Variants in HECW1 observed in about 807,000 individuals in gnomAD.
HECW1 encodes the protein HECT, C2 and WW domain containing E3 ubiquitin protein ligase 1.
Under a neutral mutation model 182.3 loss-of-function variants are expected in HECW1, and 61 were observed. That is an observed-to-expected ratio of 0.33 (90% CI 0.27 to 0.41). The LOEUF (loss-of-function observed/expected upper bound fraction) is 0.41, where lower values mean the gene tolerates loss of function less well. Among genes scored for constraint, HECW1 ranks in the 10% least tolerant of loss-of-function variants. The probability of loss-of-function intolerance (pLI) is 1.00; values close to 1 mark genes in which losing one functional copy is unlikely to be tolerated. For missense variants in HECW1, 1,739 were observed against 2,108.9 expected (o/e 0.82, Z 3.44); for synonymous variants, 859 against 832.6 (o/e 1.03, Z -0.55).
intron 2 of HECW1, among the ~76,000 whole-genome samples, chr7:43,214,126 A>G (rs867308244): frequency 2.6e-5 from 4 of 151,752 alleles, no homozygotes; most frequent in Admixed American, 2.6e-4. Flanking sequence ...TGAAATACAC[A>G]TATGTATTTC....
Position 43,525,629 on chromosome 7 carries a change from A to G in HECW1, c.4020-15534A>G, listed in dbSNP as rs2080727221. Among the ~76,000 whole-genome samples, 4 of 152,224 alleles carry G rather than the reference A, an allele frequency of 2.6e-5. No individual in the cohort carries two copies. In the South Asian group the frequency reaches 6.2e-4, roughly 24 times the overall value. On this transcript the variant is annotated intron_variant, in intron 24 of 29. Transcript: ENST00000395891. The stretch of plus-strand genomic sequence containing the variant: ...GAGGTGGACCAGGGACAGAGGTACA[A>G]TCCTAATCAAATTGAGAACAGAACC...
chr7:43,439,215 T>C (rs1197278627), intron 9 of HECW1: 3 of 152,186 alleles, frequency 2.0e-5, no homozygotes, highest in Non-Finnish European at 4.4e-5. Flanking sequence ...ATGGTATTCC[T>C]TGTGATCTTT....
chr7:43,449,263 G>A (rs561134920), intron 11 of HECW1, among the ~76,000 whole-genome samples: 1 of 152,312 alleles, frequency 6.6e-6, no homozygotes, highest in South Asian at 2.1e-4. Context: ...TAAACACAGA[G>A]CCCATCTTTG....
intron 5 of HECW1, among the ~76,000 whole-genome samples, chr7:43,355,099 A>T (rs942937093): frequency 6.6e-6 from 1 of 152,150 alleles, no homozygotes; most frequent in Non-Finnish European, 1.5e-5. Flanking sequence ...CAGAAAAGAG[A>T]TAAATTATTT....
At chr7:43,119,747 T>G (rs1167477236) in intron 2 of HECW1, among the ~76,000 whole-genome samples, 1 of 152,214 alleles carries the variant, frequency 6.6e-6, no homozygotes, top group Non-Finnish European at 1.5e-5. Flanking sequence ...GGGACAACTC[T>G]GTCCTTTCAG....
intron 2 of HECW1, among the ~76,000 whole-genome samples, chr7:43,228,530 G>GT (rs1797625601): frequency 6.6e-6 from 1 of 152,186 alleles, no homozygotes; most frequent in Non-Finnish European, 1.5e-5. Context: ...ATGTTGTTGA[G>GT]TTTGGGGGAG....
intron 2 of HECW1, among the ~76,000 whole-genome samples, chr7:43,214,393 A>G (rs1199860045): frequency 1.3e-5 from 2 of 152,238 alleles, no homozygotes; most frequent in Non-Finnish European, 2.9e-5. Flanking sequence ...AACTTAGGAA[A>G]TAATACATTC....
Position 43,352,953 on chromosome 7 carries a change from G to A in HECW1, c.461-7933G>A, listed in dbSNP as rs146954692. On this transcript the variant is annotated intron_variant, in intron 5 of 29. Coordinates refer to ENST00000395891, the MANE Select transcript of HECW1 (RefSeq NM_015052.5). ...TAATCCCTTAACAGTGTAGGAAGGT[G>A]GGGGGGCAGGGAAGCAATTTTCTCC... is the stretch of plus-strand genomic sequence containing the variant. Among the ~76,000 whole-genome samples the A allele has an allele frequency of 1.2e-3, 178 of 151,876 alleles. 1 individual carries two copies. Among genetic ancestry groups the A allele is most frequent in the African/African-American group, 4.2e-3 (172 of 41,256 alleles).
intron 6 of HECW1, among the ~76,000 whole-genome samples, chr7:43,396,127 C>T (rs2075222294): frequency 6.6e-6 from 1 of 152,170 alleles, no homozygotes; most frequent in South Asian, 2.1e-4. Flanking sequence ...ATAAAACCTT[C>T]CTAGAAGAGA....
intron 2 of HECW1, among the ~76,000 whole-genome samples, chr7:43,161,998 C>G (rs545720669): frequency 2.6e-5 from 4 of 152,342 alleles, no homozygotes; most frequent in African/African-American, 7.2e-5. Flanking sequence ...CTGTCACTTG[C>G]TCTGTGATCA....
intron 2 of HECW1, among the ~76,000 whole-genome samples, chr7:43,155,421 T>C (rs924920498): frequency 2.0e-5 from 3 of 152,158 alleles, no homozygotes; most frequent in Non-Finnish European, 4.4e-5. Context: ...TCAAAGATAT[T>C]TTTTGGTTAA....
chr7:43,409,424 A>G (rs2075724455), intron 8 of HECW1, among the ~76,000 whole-genome samples: 1 of 152,246 alleles, frequency 6.6e-6, no homozygotes, highest in Non-Finnish European at 1.5e-5. Flanking sequence ...GAAGGACTTT[A>G]GAGGAACCTG....
intron 2 of HECW1, among the ~76,000 whole-genome samples, chr7:43,220,863 C>T (rs1162287616): frequency 6.6e-6 from 1 of 152,146 alleles, no homozygotes; most frequent in African/African-American, 2.4e-5. Flanking sequence ...ATTATGGTGC[C>T]CCTTGGCTTT....
Position 43,498,169 on chromosome 7 carries a change from T to C in HECW1, c.3438-2530T>C, listed in dbSNP as rs562409823. ...TTGCCAGACATGACAGAGGATATAA[T>C]GTCTGGTGGAGAGCCACCAAAACTC... is the stretch of plus-strand genomic sequence containing the variant. On this transcript the variant is annotated intron_variant, in intron 19 of 29. Coordinates refer to ENST00000395891, the MANE Select transcript of HECW1 (RefSeq NM_015052.5). 7.2e-5 allele frequency among the ~76,000 whole-genome samples: 11 copies of C among 152,318 alleles called. No homozygotes were observed. In the East Asian group the frequency reaches 1.5e-3, roughly 21 times the overall value.
intron 2 of HECW1, among the ~76,000 whole-genome samples, chr7:43,134,278 C>T (rs997193879): frequency 5.3e-5 from 8 of 149,898 alleles, no homozygotes; most frequent in African/African-American, 2.0e-4. Context: ...CCTGTAATCC[C>T]AGCTACTTGG....
chr7:43,531,981 C>T (rs146858623), intron 24 of HECW1, among the ~76,000 whole-genome samples: 2,267 of 152,304 alleles, frequency 0.015, 27 homozygotes, highest in Non-Finnish European at 0.023. Context: ...ATCTGTAGTG[C>T]GGCCCTGTGC....
At chr7:43,285,394 G>A (rs2152750756) in intron 3 of HECW1, among the ~76,000 whole-genome samples, 1 of 152,314 alleles carries the variant, frequency 6.6e-6, no homozygotes, top group African/African-American at 2.4e-5. Flanking sequence ...GGCAACCACT[G>A]GACTAGGAAA....
chr7:43,499,924 T>C (rs2079271890), intron 19 of HECW1, among the ~76,000 whole-genome samples: 1 of 152,174 alleles, frequency 6.6e-6, no homozygotes, highest in African/African-American at 2.4e-5. Context: ...AGAGACAAAA[T>C]TGATGCCTGT....
At chr7:43,305,559 C>T (rs1250231408) in intron 3 of HECW1, among the ~76,000 whole-genome samples, 1 of 151,898 alleles carries the variant, frequency 6.6e-6, no homozygotes, top group Admixed American at 6.5e-5. Flanking sequence ...TTCTAGCAAC[C>T]TGAGAATAGT....
Sources: gnomAD v4.1 joint callset for allele counts (sites outside exome capture counted in the v4.1 genomes callset) on GRCh38, gnomAD v4.1.1 for gene constraint, MANE v1.5 for transcripts, NCBI Gene and HGNC (gene_info 2026-07-23, HGNC 2026-07-21) for gene names.